SLC24A2: variants seen among roughly 807,000 people sequenced by gnomAD.
The protein encoded by SLC24A2 is sodium/potassium/calcium exchanger 2.
SLC24A2 carries 36 observed loss-of-function variants against 62.0 expected under a neutral mutation model. That is an observed-to-expected ratio of 0.58 (90% CI 0.44 to 0.77). The LOEUF is 0.77. Among genes scored for constraint, SLC24A2 ranks in the 30% least tolerant of loss-of-function variants. The probability of loss-of-function intolerance (pLI) is 0.00; values close to 1 mark genes in which losing one functional copy is unlikely to be tolerated. For synonymous variants in SLC24A2, 358 were observed against 294.0 expected, an observed-to-expected ratio of 1.22 and a Z score of -2.23; for missense variants, 846 against 817.9, an observed-to-expected ratio of 1.03 and a Z score of -0.42.
chr9:20,294,445 G>A, the SLC24A2 span, among the ~76,000 whole-genome samples: 3 of 152,124 alleles, frequency 2.0e-5, no homozygotes, highest in African/African-American at 7.2e-5. Flanking sequence ...TAACCAGCCT[G>A]GGCAGAGCTG....
the SLC24A2 span, among the ~76,000 whole-genome samples, chr9:20,057,528 T>C: frequency 6.6e-6 from 1 of 152,162 alleles, no homozygotes; most frequent in African/African-American, 2.4e-5. Context: ...CTTGCTTACA[T>C]GGAGATAAAT....
chr9:20,156,335 G>T, the SLC24A2 span, among the ~76,000 whole-genome samples: 11 of 151,632 alleles, frequency 7.3e-5, no homozygotes, highest in Admixed American at 7.3e-4. Context: ...GATATTCAAG[G>T]CCTTGGGAAG....
intron 2 of SLC24A2, among the ~76,000 whole-genome samples, chr9:19,732,311 T>C (rs113566604): frequency 6.6e-6 from 1 of 152,184 alleles, no homozygotes; most frequent in African/African-American, 2.4e-5. Flanking sequence ...CACAGTCTGA[T>C]TAGCTTTCAG....
the SLC24A2 span, among the ~76,000 whole-genome samples, chr9:20,019,234 A>AAAGAAG: frequency 2.1e-5 from 3 of 144,082 alleles, no homozygotes; most frequent in East Asian, 6.0e-4. Flanking sequence ...AAAGAAAGAA[A>AAAGAAG]GAAAAAGAAA....
chr9:20,207,747 A>G, the SLC24A2 span, among the ~76,000 whole-genome samples: 1 of 152,218 alleles, frequency 6.6e-6, no homozygotes, highest in South Asian at 2.1e-4. Context: ...ATTCACTTTC[A>G]TTGAACACTT....
the SLC24A2 span, among the ~76,000 whole-genome samples, chr9:20,079,767 T>C: frequency 6.6e-6 from 1 of 152,210 alleles, no homozygotes; most frequent in Non-Finnish European, 1.5e-5. Flanking sequence ...TTGTGATTTT[T>C]GCACATTGAT....
At chr9:20,193,118 A>G in the SLC24A2 span, among the ~76,000 whole-genome samples, 1 of 152,186 alleles carries the variant, frequency 6.6e-6, no homozygotes, top group Non-Finnish European at 1.5e-5. Flanking sequence ...GAAAAGAAAC[A>G]ATAACAGGTG....
chr9:20,196,096 C>A, the SLC24A2 span, among the ~76,000 whole-genome samples: 33 of 152,132 alleles, frequency 2.2e-4, no homozygotes, highest in Non-Finnish European at 2.9e-5. Context: ...AAACTCTATA[C>A]TTATGATAGT....
intron 2 of SLC24A2, among the ~76,000 whole-genome samples, chr9:19,649,924 A>G (rs1398757130): frequency 6.6e-6 from 1 of 152,230 alleles, no homozygotes; most frequent in Non-Finnish European, 1.5e-5. Flanking sequence ...TATTCTATTC[A>G]GCATGTCATG....
chr9:20,175,185 G>T, the SLC24A2 span, among the ~76,000 whole-genome samples: 1 of 151,938 alleles, frequency 6.6e-6, no homozygotes, highest in Admixed American at 6.6e-5. Flanking sequence ...GCTAAGCTAT[G>T]AGGATGTGAA....
chr9:19,669,246 T>G (rs1052986178), intron 2 of SLC24A2, among the ~76,000 whole-genome samples: 7 of 151,640 alleles, frequency 4.6e-5, no homozygotes, highest in African/African-American at 1.7e-4. Flanking sequence ...CAACCAGGAG[T>G]GGAACACAGC....
At chr9:19,648,487 C>T (rs1358931996) in intron 2 of SLC24A2, among the ~76,000 whole-genome samples, 5 of 152,112 alleles carry the variant, frequency 3.3e-5, no homozygotes, top group Non-Finnish European at 7.4e-5. Flanking sequence ...ATCAATTTGG[C>T]TAAAACTAGA....
chr9:19,644,476 T>C (rs755236337), intron 2 of SLC24A2, among the ~76,000 whole-genome samples: 2 of 152,092 alleles, frequency 1.3e-5, no homozygotes, highest in Non-Finnish European at 2.9e-5. Flanking sequence ...ATGGGAAAAA[T>C]GAGGGAAGTG....
the SLC24A2 span, among the ~76,000 whole-genome samples, chr9:19,963,720 C>T: frequency 1.3e-5 from 2 of 152,022 alleles, no homozygotes; most frequent in Non-Finnish European, 2.9e-5. Context: ...CAGGAAACAA[C>T]AGCTGCTGGA....
At chr9:20,094,333 A>G in the SLC24A2 span, among the ~76,000 whole-genome samples, 1 of 152,204 alleles carries the variant, frequency 6.6e-6, no homozygotes, top group African/African-American at 2.4e-5. Flanking sequence ...CAGATAAACT[A>G]TGCTAAATTA....
At chr9:19,922,861 T>G in the SLC24A2 span, among the ~76,000 whole-genome samples, 1 of 152,192 alleles carries the variant, frequency 6.6e-6, no homozygotes, top group South Asian at 2.1e-4. Context: ...AGGATTTTTC[T>G]CCATAAAACA....
intron 9 of SLC24A2, among the ~76,000 whole-genome samples, chr9:19,525,760 C>T (rs1200913547): frequency 1.5e-5 from 2 of 129,720 alleles, no homozygotes; most frequent in African/African-American, 6.1e-5. Context: ...TCAACACATG[C>T]TACTGTTTTT....
the SLC24A2 span, among the ~76,000 whole-genome samples, chr9:20,243,464 T>C: frequency 6.6e-6 from 1 of 152,196 alleles, no homozygotes; most frequent in Non-Finnish European, 1.5e-5. Context: ...GATACATATA[T>C]ACATGAGTAG....
the SLC24A2 span, among the ~76,000 whole-genome samples, chr9:20,092,049 C>A: frequency 1.3e-5 from 2 of 152,100 alleles, no homozygotes; most frequent in African/African-American, 2.4e-5. Context: ...GATGAGAACA[C>A]ATGGACACAA....
Sources: allele counts gnomAD v4.1 joint callset (sites outside exome capture counted in the v4.1 genomes callset), GRCh38; gene constraint gnomAD v4.1.1; transcripts MANE v1.5; gene names NCBI Gene and HGNC (gene_info 2026-07-23, HGNC 2026-07-21).